The following RSPO2 variants were observed in gnomAD, a reference collection of about 807,000 sequenced individuals.
RSPO2 encodes R-spondin-2.
A neutral mutation model predicts 30.9 loss-of-function variants in RSPO2; 14 were observed. The observed-to-expected ratio is 0.45, with a 90% CI of 0.30 to 0.71. The LOEUF (loss-of-function observed/expected upper bound fraction) is 0.71, where lower values mean the gene tolerates loss of function less well. RSPO2 is among the 30% of genes least tolerant of loss of function. The pLI, the probability that RSPO2 is intolerant of heterozygous loss-of-function variation, is 0.08. For synonymous variants in RSPO2, 107 were observed against 96.4 expected (o/e 1.11, Z -0.64); for missense variants, 264 against 301.9 (o/e 0.87, Z 0.93).
At chr8:108,005,487 T>G (rs926863824) in intron 2 of RSPO2, among the ~76,000 whole-genome samples, 1 of 152,098 alleles carries the variant, frequency 6.6e-6, no homozygotes, top group African/African-American at 2.4e-5. Context: ...TTAGTGGGCA[T>G]GCTAGTTTTG....
intron 2 of RSPO2, among the ~76,000 whole-genome samples, chr8:108,070,448 G>A (rs942319446): frequency 1.5e-4 from 23 of 151,612 alleles, no homozygotes; most frequent in South Asian, 8.4e-4. Flanking sequence ...GCCCGCCACC[G>A]CGCCCGGCTA....
intron 5 of RSPO2, among the ~76,000 whole-genome samples, chr8:107,909,772 T>C (rs1229901196): frequency 6.6e-6 from 1 of 152,216 alleles, no homozygotes; most frequent in Non-Finnish European, 1.5e-5. Flanking sequence ...TTATACTGCA[T>C]TGATTCACTG....
intron 5 of RSPO2, among the ~76,000 whole-genome samples, chr8:107,902,281 T>C (rs1298661668): frequency 6.6e-6 from 1 of 152,160 alleles, no homozygotes; most frequent in East Asian, 1.9e-4. Flanking sequence ...TCTTCCTCTC[T>C]TACTTTCCCT....
chr8:108,050,449 T>C (rs973508116), intron 2 of RSPO2, among the ~76,000 whole-genome samples: 1 of 152,158 alleles, frequency 6.6e-6, no homozygotes, highest in African/African-American at 2.4e-5. Context: ...AATAAAGGTA[T>C]GTATATATAG....
intron 3 of RSPO2, among the ~76,000 whole-genome samples, chr8:107,963,759 T>A (rs1563541461): frequency 6.6e-6 from 1 of 152,134 alleles, no homozygotes; most frequent in Non-Finnish European, 1.5e-5. Context: ...ATTTGTGACC[T>A]ACTTAAGTTT....
chr8:107,935,921 A>G (rs2130359739), intron 5 of RSPO2, among the ~76,000 whole-genome samples: 1 of 152,344 alleles, frequency 6.6e-6, no homozygotes, highest in East Asian at 1.9e-4. Flanking sequence ...TGGGGTATCC[A>G]ACAACTTGAG....
chr8:107,913,381 T>C (rs1331593725), intron 5 of RSPO2, among the ~76,000 whole-genome samples: 4 of 152,196 alleles, frequency 2.6e-5, no homozygotes, highest in Admixed American at 2.6e-4. Flanking sequence ...GGGGCCATTA[T>C]TGGTTTGATA....
chr8:107,942,205 C>T (rs1351983810), intron 5 of RSPO2, among the ~76,000 whole-genome samples: 6 of 152,174 alleles, frequency 3.9e-5, no homozygotes, highest in African/African-American at 1.2e-4. Context: ...ATTCCAGCCC[C>T]AGGACAAATT....
chr8:107,997,236 C>G (rs1184751940), intron 2 of RSPO2: 1 of 165,616 alleles, frequency 6.0e-6, no homozygotes, highest in Non-Finnish European at 1.3e-5. Flanking sequence ...ACCTCTGTGT[C>G]TAAACACAGG....
intron 2 of RSPO2, among the ~76,000 whole-genome samples, chr8:108,011,162 A>C (rs1810696040): frequency 6.7e-6 from 1 of 149,796 alleles, no homozygotes; most frequent in Non-Finnish European, 1.5e-5. Flanking sequence ...GAAAGAAAGA[A>C]AGAAAAGAAA....
chr8:107,969,684 A>T (rs1356235459), intron 3 of RSPO2, among the ~76,000 whole-genome samples: 3 of 152,190 alleles, frequency 2.0e-5, no homozygotes, highest in Non-Finnish European at 2.9e-5. Context: ...CCCATGGTGA[A>T]GGTGTGAAAC....
intron 2 of RSPO2, among the ~76,000 whole-genome samples, chr8:108,055,028 G>A (rs1453337675): frequency 6.6e-6 from 1 of 152,196 alleles, no homozygotes; most frequent in Non-Finnish European, 1.5e-5. Flanking sequence ...GGCTGAGGTG[G>A]GAGGATCGCT....
At chr8:107,917,365 A>G (rs1812014552) in intron 5 of RSPO2, among the ~76,000 whole-genome samples, 1 of 152,062 alleles carries the variant, frequency 6.6e-6, no homozygotes, top group African/African-American at 2.4e-5. Flanking sequence ...GGTGCCTGTA[A>G]TCCCAGCTAC....
chr8:107,972,000 T>C (rs1489019788), intron 3 of RSPO2, among the ~76,000 whole-genome samples: 1 of 152,152 alleles, frequency 6.6e-6, no homozygotes, highest in Non-Finnish European at 1.5e-5. Context: ...ATCATAATCC[T>C]CCTATTAAAT....
intron 5 of RSPO2, among the ~76,000 whole-genome samples, chr8:107,950,690 A>C (rs1270413568): frequency 6.6e-6 from 1 of 152,006 alleles, no homozygotes; most frequent in African/African-American, 2.4e-5. Flanking sequence ...TCTGAGTATC[A>C]TATCAACAGG....
chr8:108,055,836 C>T (rs996051738), intron 2 of RSPO2, among the ~76,000 whole-genome samples: 4 of 152,090 alleles, frequency 2.6e-5, no homozygotes, highest in African/African-American at 9.7e-5. Flanking sequence ...CAACATCTCC[C>T]ACCTACAGAA....
At chr8:108,053,734 A>G (rs900206740) in intron 2 of RSPO2, among the ~76,000 whole-genome samples, 1 of 152,214 alleles carries the variant, frequency 6.6e-6, no homozygotes, top group African/African-American at 2.4e-5. Context: ...AAAATCTACA[A>G]GTTATTACAA....
At chr8:108,075,780 A>G (rs1812994190) in intron 2 of RSPO2, among the ~76,000 whole-genome samples, 1 of 152,098 alleles carries the variant, frequency 6.6e-6, no homozygotes, top group Admixed American at 6.5e-5. Context: ...AAGAACTTCA[A>G]TTTTTAAAAA....
intron 3 of RSPO2, among the ~76,000 whole-genome samples, chr8:107,980,899 C>G (rs956201545): frequency 6.6e-6 from 1 of 152,158 alleles, no homozygotes; most frequent in Non-Finnish European, 1.5e-5. Context: ...TGTAATGATG[C>G]TATCTAATAC....
Sources: allele counts gnomAD v4.1 joint callset (sites outside exome capture counted in the v4.1 genomes callset), GRCh38; gene constraint gnomAD v4.1.1; transcripts MANE v1.5; gene names NCBI Gene and HGNC (gene_info 2026-07-23, HGNC 2026-07-21).